Variants in EIF4E3 observed in about 807,000 individuals in gnomAD.
The protein encoded by EIF4E3 is eukaryotic translation initiation factor 4E family member 3, also known as eukaryotic translation initiation factor 4E type 3.
A neutral mutation model predicts 31.7 loss-of-function variants in EIF4E3; 26 were observed. The observed-to-expected ratio is 0.82, with a 90% CI of 0.60 to 1.14. EIF4E3 has a LOEUF of 1.14. EIF4E3 is among the 50% of genes most tolerant of loss of function. The pLI is 0.00. For missense variants in EIF4E3, 304 were observed against 270.9 expected, an observed-to-expected ratio of 1.12 and a Z score of -0.86; for synonymous variants, 128 against 107.7, an observed-to-expected ratio of 1.19 and a Z score of -1.17.
upstream of EIF4E3, among the ~76,000 whole-genome samples, chr3:71,728,873 A>G (rs2049670752): frequency 6.6e-6 from 1 of 152,290 alleles, no homozygotes; most frequent in East Asian, 1.9e-4. Flanking sequence ...ATGAGAAAAG[A>G]AAGGCCCAGA....
At chr3:71,750,691 G>T (rs1236725094) in intron 1 of EIF4E3, among the ~76,000 whole-genome samples, 1 of 152,028 alleles carries the variant, frequency 6.6e-6, no homozygotes, top group Non-Finnish European at 1.5e-5. Context: ...AGGCTGAGGT[G>T]GGAGGATCAC....
rs2048880623 is a variant in EIF4E3, at chr3:71,677,126, T to C, written c.*7556A>G. On this transcript the variant is annotated 3_prime_UTR_variant, in exon 7 of 7. Coordinates refer to ENST00000425534, the MANE Select transcript of EIF4E3 (RefSeq NM_001134651.2). ...ACGATTATAAAGAATTTATGATTTA[T>C]GCTTGCTAGTTAAATATGCTTATGA... 1 of 152,356 alleles carries C rather than the reference T, an allele frequency of 6.6e-6. No homozygotes were observed. The highest frequency in any genetic ancestry group is 2.4e-5 in the African/African-American group (1 of 41,588). The allele number at this position is 152,356 out of a possible 1,614,324, so 9.4% of individuals were successfully genotyped here. A position where few individuals can be genotyped will look rare whatever the true frequency, so the allele number is the denominator to read the frequency against.
the EIF4E3 span, among the ~76,000 whole-genome samples, chr3:71,663,448 T>C: frequency 3.3e-5 from 5 of 152,216 alleles, no homozygotes; most frequent in African/African-American, 7.2e-5. Context: ...CAACACTGTC[T>C]ACAAACCTAC....
intron 5 of EIF4E3, 58 bp from the exon 6 acceptor site, chr3:71,690,223 T>C (rs1449892449): frequency 1.0e-5 from 15 of 1,495,934 alleles, no homozygotes; most frequent in Non-Finnish European, 1.3e-5. Flanking sequence ...AGTCTGACTG[T>C]TTCTAAGAAC....
downstream of EIF4E3, among the ~76,000 whole-genome samples, chr3:71,673,636 T>C (rs1250497709): frequency 4.6e-5 from 7 of 151,972 alleles, no homozygotes; most frequent in African/African-American, 1.2e-4. Context: ...GCCAGGTATG[T>C]GCAACTCAAA....
chr3:71,686,181 G>A (rs771322559), intron 6 of EIF4E3, among the ~76,000 whole-genome samples: 14 of 151,998 alleles, frequency 9.2e-5, no homozygotes, highest in Non-Finnish European at 1.5e-4. Context: ...ATAGAGACAG[G>A]GTTTTGCCAT....
chr3:71,672,586 G>A (rs1310113987), downstream of EIF4E3, among the ~76,000 whole-genome samples: 1 of 152,034 alleles, frequency 6.6e-6, no homozygotes, highest in African/African-American at 2.4e-5. Context: ...TAGTTCTTTT[G>A]TATCCATCTC....
chr3:71,660,127 C>T, the EIF4E3 span, among the ~76,000 whole-genome samples: 1 of 152,148 alleles, frequency 6.6e-6, no homozygotes, highest in Non-Finnish European at 1.5e-5. Flanking sequence ...AGCCTCTGCT[C>T]ACACTCAGTG....
the EIF4E3 span, among the ~76,000 whole-genome samples, chr3:71,663,586 T>A: frequency 6.6e-6 from 1 of 152,234 alleles, no homozygotes; most frequent in Non-Finnish European, 1.5e-5. Flanking sequence ...ATCAGCAGGA[T>A]GCTTTACAAG....
intron 1 of EIF4E3, among the ~76,000 whole-genome samples, chr3:71,712,916 C>T (rs2049404671): frequency 2.7e-5 from 4 of 150,620 alleles, no homozygotes; most frequent in South Asian, 2.1e-4. Flanking sequence ...TAAATGCCTC[C>T]GTCTCCACAG....
chr3:71,721,429 T>C (rs868514792), intron 1 of EIF4E3, among the ~76,000 whole-genome samples: 1 of 152,094 alleles, frequency 6.6e-6, no homozygotes, highest in African/African-American at 2.4e-5. Context: ...GCTTGCGCCA[T>C]TTCATAACAG....
At chr3:71,662,704 AAT>A in the EIF4E3 span, among the ~76,000 whole-genome samples, 1 of 152,170 alleles carries the variant, frequency 6.6e-6, no homozygotes, top group Admixed American at 6.5e-5. Flanking sequence ...CCAAACAAAC[AAT>A]ATATCCACCG....
chr3:71,699,969 T>C (rs1268770944), intron 2 of EIF4E3, among the ~76,000 whole-genome samples: 2 of 152,128 alleles, frequency 1.3e-5, no homozygotes, highest in Non-Finnish European at 2.9e-5. Flanking sequence ...GCCCAGGAGT[T>C]CGAGACCAAC....
Position 71,725,207 on chromosome 3 carries a change from G to A in EIF4E3, c.161C>T (p.Thr54Ile). ...GCCCCCTCACCTGTCGAGCCAGAAG[G>A]TCCAGGACGAGTGCAGCGGGACCCC... ...PGGVPLHSSW[T>I]FWLDRSLPGA... The change falls in exon 1 of 7, where the codon ACC becomes ATC. Residue 54 changes from threonine to isoleucine, a missense_variant. By Grantham distance (89) the Thr-to-Ile change is moderately conservative (BLOSUM62 -1). Transcript: ENST00000425534. This position sits in a 1 kb window ranked among gnomAD's most constrained non-coding sequence, Gnocchi z 6.1. 1 of 1,142,918 alleles carries A rather than the reference G, an allele frequency of 8.7e-7. No homozygotes were observed. The highest frequency in any genetic ancestry group is 1.1e-6 in the Non-Finnish European group (1 of 924,312). 70.8% of individuals were successfully genotyped at this position (1,142,918 alleles called of 1,614,324 possible).
intron 5 of EIF4E3, among the ~76,000 whole-genome samples, chr3:71,691,909 T>C (rs1187520166): frequency 6.6e-6 from 1 of 152,234 alleles, no homozygotes; most frequent in Non-Finnish European, 1.5e-5. Context: ...GTTTACCACT[T>C]TCAAGAGTGG....
chr3:71,663,221 T>C, the EIF4E3 span, among the ~76,000 whole-genome samples: 1 of 152,172 alleles, frequency 6.6e-6, no homozygotes, highest in African/African-American at 2.4e-5. Context: ...TGTTGTGTTA[T>C]TTTCAAATTT....
intron 2 of EIF4E3, 61 bp downstream of exon 2, chr3:71,710,351 T>C (rs2049357606): frequency 6.6e-7 from 1 of 1,517,264 alleles, no homozygotes; most frequent in Non-Finnish European, 9.0e-7. Context: ...GATTTCAAGT[T>C]GGGTGATTAG....
At chr3:71,732,109 CG>C in intron 1 of EIF4E3, among the ~76,000 whole-genome samples, 1 of 152,250 alleles carries the variant, frequency 6.6e-6, no homozygotes, top group African/African-American at 2.4e-5. Flanking sequence ...GTTCCTAGCA[CG>C]GTGTCTGGCA....
intron 1 of EIF4E3, among the ~76,000 whole-genome samples, chr3:71,712,644 G>GGGGGGGGTGGC (rs35405190): frequency 1.6e-5 from 2 of 123,988 alleles, no homozygotes; most frequent in African/African-American, 3.2e-5. Context: ...GTGGGCGGGG[G>GGGGGGGGTGGC]AGATTCTAGG....
Sources: gnomAD v4.1 joint callset for allele counts (sites outside exome capture counted in the v4.1 genomes callset) on GRCh38, gnomAD v4.1.1 for gene constraint, Gnocchi (gnomAD v3.1) non-coding constraint, MANE v1.5 for transcripts, NCBI Gene and HGNC (gene_info 2026-07-23, HGNC 2026-07-21) for gene names.